Variants in SETD1A observed in about 807,000 individuals in gnomAD.
The protein encoded by SETD1A is SET domain containing 1A, histone lysine methyltransferase, also known as histone-lysine N-methyltransferase SETD1A.
Under a neutral mutation model 149.9 loss-of-function variants are expected in SETD1A, and 29 were observed. The ratio of observed to expected loss-of-function variants is 0.19; its 90% confidence interval spans 0.14 to 0.26. The LOEUF (loss-of-function observed/expected upper bound fraction) is 0.26, where lower values mean the gene tolerates loss of function less well. Ranked by LOEUF, SETD1A falls within the 10% of genes least tolerant of loss-of-function variation. The pLI is 1.00. For synonymous variants in SETD1A, 1,141 were observed against 968.5 expected, an observed-to-expected ratio of 1.18 and a Z score of -3.31; for missense variants, 2,109 against 2,353.1, an observed-to-expected ratio of 0.90 and a Z score of 2.15.
At chr16:30,977,607 G>A (rs201732068) in intron 13 of SETD1A, among the ~76,000 whole-genome samples, 1 of 152,216 alleles carries the variant, frequency 6.6e-6, no homozygotes, top group Admixed American at 6.5e-5. Flanking sequence ...GGTCTGTAGG[G>A]GGCGCTGCCC....
At chr16:30,976,527 T>C (rs1283700756) in intron 13 of SETD1A, among the ~76,000 whole-genome samples, 1 of 151,836 alleles carries the variant, frequency 6.6e-6, no homozygotes, top group Admixed American at 6.6e-5. Flanking sequence ...GAGGGCAAAG[T>C]ACGGGCCCTG....
intron 10 of SETD1A, among the ~76,000 whole-genome samples, chr16:30,968,264 A>C (rs1277104170): frequency 1.3e-5 from 2 of 152,030 alleles, no homozygotes; most frequent in African/African-American, 4.8e-5. Flanking sequence ...ACAGCCAGGC[A>C]TGGTGGTGTT....
intron 8 of SETD1A, 111 bp from the exon 9 acceptor site, chr16:30,966,773 T>C (rs758276866): frequency 3.2e-6 from 4 of 1,248,476 alleles, no homozygotes; most frequent in East Asian, 2.6e-5. Flanking sequence ...GACCAAGATA[T>C]GGAGCAGCAA....
chr16:30,964,287 G>A lies in SETD1A; in HGVS notation c.833G>A (p.Ser278Asn), dbSNP rs1567351574. ...GGAACCCCCTACACGTCTCGGGGCA[G>A]CACCCCCTACTCTCAGGACTCTGCC... Reference protein sequence around the residue: ...SQGTPYTSRGSTPYSQDSAYS... With the variant: ...SQGTPYTSRGNTPYSQDSAYS... Residue 278 changes from serine to asparagine, a missense_variant, in exon 6 of 19, where the codon AGC (serine) becomes AAC (asparagine). Physicochemically the swap from Ser to Asn is conservative, Grantham distance 46. This residue lies in a region of SETD1A where 410 missense variants were observed against 394.8 expected (regional missense o/e 1.04). Transcript: ENST00000262519. The A allele has an allele frequency of 1.2e-6, 2 of 1,613,734 alleles. No individual in the cohort carries two copies. The highest frequency in any genetic ancestry group is 2.2e-5 in the South Asian group (2 of 91,084).
At chr16:30,972,410 G>GA (rs1257699811) in intron 13 of SETD1A, among the ~76,000 whole-genome samples, 189 of 152,186 alleles carry the variant, frequency 1.2e-3, no homozygotes, top group Admixed American at 2.2e-3. Flanking sequence ...GCCAAGGCGG[G>GA]TGGATCATGA....
intron 13 of SETD1A, among the ~76,000 whole-genome samples, chr16:30,972,454 G>A (rs907171055): frequency 2.0e-5 from 3 of 151,588 alleles, no homozygotes; most frequent in Non-Finnish European, 4.4e-5. Context: ...GGCTAACATG[G>A]TTGAAACCCC....
chr16:30,975,161 T>A (rs2056269714), intron 13 of SETD1A, among the ~76,000 whole-genome samples: 2 of 147,946 alleles, frequency 1.4e-5, no homozygotes, highest in African/African-American at 2.5e-5. Context: ...AAAAAAAAAA[T>A]TAGCCATGCA....
chr16:30,966,417 TG>T (rs1188801982), intron 8 of SETD1A, 31 bp downstream of exon 8: 2 of 1,565,854 alleles, frequency 1.3e-6, no homozygotes, highest in Admixed American at 1.8e-5. Context: ...CGGGGAGCCC[TG>T]GGCTTTGCAG....
chr16:30,967,643 G>C, intron 10 of SETD1A, 55 bp downstream of exon 10: 1 of 1,494,444 alleles, frequency 6.7e-7, no homozygotes, highest in Non-Finnish European at 9.3e-7. Flanking sequence ...TCTGATGGGA[G>C]AGCAAGAGGT....
rs779072216 is a variant in SETD1A at position 30,981,095 on chromosome 16, G to A, written c.4727G>A (p.Arg1576Gln). The A allele has an allele frequency of 3.1e-6, 5 of 1,614,204 alleles. No individual in the cohort carries two copies. Among genetic ancestry groups the A allele is most frequent in the Non-Finnish European group, 4.2e-6 (5 of 1,180,018 alleles). The change falls in exon 17 of 19, where the codon CGG (arginine) becomes CAG (glutamine). Residue 1576 changes from arginine to glutamine, a missense_variant. Arg to Gln is a conservative substitution (Grantham distance 43). This residue lies in a region of SETD1A where 254 missense variants were observed against 409.3 expected (regional missense o/e 0.62). Transcript: ENST00000262519. ...RKKKLRFGRS[R>Q]IHEWGLFAME... ...AAGAAGCTCCGATTTGGCCGGAGCC[G>A]GATCCACGAGTGGGGTCTGTTTGCC... is the stretch of plus-strand genomic sequence containing the variant.
At position 30,983,816 on chromosome 16, in the gene SETD1A, G is replaced by T; in HGVS notation, c.4951-34G>T. On this transcript the variant is annotated intron_variant, in intron 18 of 18. Transcript: ENST00000262519. The surrounding 1 kb of genome is among the most constrained non-coding windows in gnomAD (Gnocchi z 6.8). ...GGGGCAGGAGTTGGGGGTCGGTGGG[G>T]GTGGCCACGGCTCACACGCCCTTCC... 1 of 1,611,336 alleles carries T rather than the reference G, an allele frequency of 6.2e-7. No individual in the cohort carries two copies. Among genetic ancestry groups the T allele is most frequent in the South Asian group, 1.1e-5 (1 of 90,854 alleles).
At chr16:30,969,796 C>A in intron 12 of SETD1A, 107 bp downstream of exon 12, 1 of 871,830 alleles carries the variant, frequency 1.1e-6, no homozygotes, top group Non-Finnish European at 1.9e-6. Flanking sequence ...TTGTGGGTCA[C>A]CTTTGCCTTC....
intron 13 of SETD1A, among the ~76,000 whole-genome samples, chr16:30,975,797 A>G (rs1169740163): frequency 6.6e-6 from 1 of 152,086 alleles, no homozygotes; most frequent in Non-Finnish European, 1.5e-5. Flanking sequence ...GCAGGAACAA[A>G]CTAAGGTTAC....
In SETD1A at chr16:30,958,749, G is replaced by T. The variant is rs772090262; in HGVS notation, c.18G>T (p.Gly6=). Residue 6 remains glycine, a synonymous_variant, in exon 2 of 19, where the codon GGG becomes GGT. Coordinates refer to ENST00000262519, the MANE Select transcript of SETD1A (RefSeq NM_014712.3). ...GAGCAAAGATGGATCAGGAAGGTGGGGGAGATGGGCAGAAGGCCCCGAGCT... is the reference window on the plus strand; with the variant it reads ...GAGCAAAGATGGATCAGGAAGGTGGTGGAGATGGGCAGAAGGCCCCGAGCT... MDQEG[G]GDGQKAPSFQ... The T allele has an allele frequency of 6.2e-7, 1 of 1,614,044 alleles. No homozygotes were observed. The highest frequency in any genetic ancestry group is 8.5e-7 in the Non-Finnish European group (1 of 1,180,012).
chr16:30,963,003 C>T (rs538458747), intron 4 of SETD1A, among the ~76,000 whole-genome samples: 12 of 152,344 alleles, frequency 7.9e-5, no homozygotes, highest in African/African-American at 2.9e-4. Flanking sequence ...ACAGCTCCTG[C>T]AGGCTCCGTT....
Position 30,980,461 on chromosome 16 carries a change from G to A in SETD1A, c.4409-24G>A, listed in dbSNP as rs779922746. Reference sequence around the variant, plus strand: ...GGACGCAGGTGGCCAGAGAGGAGCCGTTCTCTTCCTTAACACCCTGCACTC... The same window carrying A: ...GGACGCAGGTGGCCAGAGAGGAGCCATTCTCTTCCTTAACACCCTGCACTC... On this transcript the variant is annotated intron_variant, in intron 14 of 18. Transcript: ENST00000262519. This position sits in a 1 kb window ranked among gnomAD's most constrained non-coding sequence, Gnocchi z 7.7. The A allele has an allele frequency of 5.6e-5, 89 of 1,600,006 alleles. No individual in the cohort carries two copies. Among genetic ancestry groups the A allele is most frequent in the Non-Finnish European group, 6.7e-5 (79 of 1,171,940 alleles).
rs747040445 is a variant in SETD1A at position 30,965,713 on chromosome 16, C to T, written c.1832C>T (p.Pro611Leu). Residue 611 changes from proline to leucine, a missense_variant, in exon 8 of 19, where the codon CCG becomes CTG. Pro to Leu is a moderately conservative substitution (Grantham distance 98). Around this residue, in one of 8 missense-constraint regions of SETD1A, gnomAD observed 431 missense variants for 388.6 expected, o/e 1.11. Transcript: ENST00000262519. ...PQQPPPPPPP[P>L]PPPPPYLASL... ...CAGCCTCCGCCACCTCCCCCTCCCC[C>T]GCCGCCTCCTCCTCCCTACCTGGCG... 2.0e-5 allele frequency: 32 copies of T among 1,589,732 alleles called. No homozygotes were observed. Among genetic ancestry groups the T allele is most frequent in the Middle Eastern group, 3.4e-4 (2 of 5,870 alleles).
chr16:30,965,540 G>A, intron 7 of SETD1A, 61 bp from the exon 8 acceptor site: 1 of 1,594,252 alleles, frequency 6.3e-7, no homozygotes, highest in Non-Finnish European at 8.6e-7. Flanking sequence ...AAGGGAACCA[G>A]ATGAGAAAGT....
chr16:30,963,348 T>C (rs2056080413), intron 4 of SETD1A, 85 bp from the exon 5 acceptor site: 1 of 1,322,198 alleles, frequency 7.6e-7, no homozygotes. Flanking sequence ...TGTAGGAAAC[T>C]TGAGGCCTGA....
Sources: gnomAD v4.1 joint callset for allele counts (sites outside exome capture counted in the v4.1 genomes callset) on GRCh38, gnomAD v4.1.1 for gene constraint, gnomAD v4.1.1 regional missense constraint, Gnocchi (gnomAD v3.1) non-coding constraint, MANE v1.5 for transcripts, NCBI Gene and HGNC (gene_info 2026-07-23, HGNC 2026-07-21) for gene names.